Variants in DDHD1 observed in about 807,000 individuals in gnomAD.
DDHD1 encodes the protein DDHD domain containing 1.
A neutral mutation model predicts 96.4 loss-of-function variants in DDHD1; 49 were observed. That is an observed-to-expected ratio of 0.51 (90% CI 0.40 to 0.64). The LOEUF (loss-of-function observed/expected upper bound fraction) is 0.64. Ranked by LOEUF, DDHD1 falls within the 30% of genes least tolerant of loss-of-function variation. The pLI is 0.00. For missense variants in DDHD1, 1,106 were observed against 1,161.2 expected, an observed-to-expected ratio of 0.95 and a Z score of 0.69; for synonymous variants, 442 against 446.5, an observed-to-expected ratio of 0.99 and a Z score of 0.13.
At chr14:53,114,109 G>C (rs2095551) in intron 1 of DDHD1, among the ~76,000 whole-genome samples, 111,171 of 152,110 alleles carry the variant, frequency 0.73, 43,507 homozygotes, top group East Asian at 0.96. Context: ...TGGCAGGTCT[G>C]GACTGGGCGG....
intron 2 of DDHD1, among the ~76,000 whole-genome samples, chr14:53,099,551 T>C (rs1371370828): frequency 6.6e-6 from 1 of 152,248 alleles, no homozygotes; most frequent in African/African-American, 2.4e-5. Flanking sequence ...TACTCATTTT[T>C]TGGGCAGAGT....
intron 10 of DDHD1, among the ~76,000 whole-genome samples, chr14:53,055,201 GA>G (rs1882938125): frequency 6.6e-6 from 1 of 152,186 alleles, no homozygotes; most frequent in Admixed American, 6.5e-5. Flanking sequence ...CAGTACTGGA[GA>G]TCATTCAAAG....
intron 1 of DDHD1, among the ~76,000 whole-genome samples, chr14:53,141,479 T>C (rs963778470): frequency 1.3e-5 from 2 of 152,242 alleles, no homozygotes; most frequent in Non-Finnish European, 2.9e-5. Context: ...TCAGATCTCT[T>C]GTACCAAATC....
intron 1 of DDHD1, among the ~76,000 whole-genome samples, chr14:53,143,465 T>C (rs1183710613): frequency 1.3e-5 from 2 of 152,246 alleles, no homozygotes; most frequent in East Asian, 1.9e-4. Context: ...AGTTCTGCCA[T>C]GAGAGTGCAC....
chr14:53,080,880 T>A (rs1202483721), intron 4 of DDHD1, among the ~76,000 whole-genome samples: 1 of 152,098 alleles, frequency 6.6e-6, no homozygotes, highest in Non-Finnish European at 1.5e-5. Context: ...TATAGGCATG[T>A]GCTACCATGT....
At chr14:53,065,960 C>G (rs1402070490) in intron 6 of DDHD1, among the ~76,000 whole-genome samples, 2 of 152,120 alleles carry the variant, frequency 1.3e-5, no homozygotes, top group Non-Finnish European at 2.9e-5. Context: ...TAAATATACA[C>G]AGAATCAATC....
At chr14:53,092,090 A>T (rs1033601784) in intron 3 of DDHD1, 158 bp from the exon 4 acceptor site, 30 of 582,890 alleles carry the variant, frequency 5.1e-5, no homozygotes, top group Non-Finnish European at 7.4e-5. Context: ...TATATTGATC[A>T]GCTGTGATAT....
In DDHD1 at chr14:53,153,031, G is replaced by A; in HGVS notation, c.68C>T (p.Ala23Val). The change falls in exon 1 of 13, where the codon GCC (alanine) becomes GTC (valine). Residue 23 changes from alanine (A) to valine (V), a missense_variant. Coordinates refer to ENST00000673822, the MANE Select transcript of DDHD1 (RefSeq NM_001160148.2). The part of the protein sequence containing the change: ...EHNGRGGGGG[A>V]WELGSDARPA... ...CCTCGCGTCTGAGCCCAGCTCCCAG[G>A]CGCCGCCGCCGCCGCCTCGGCCGTT... 6.7e-7 allele frequency: 1 copy of A among 1,497,990 alleles called. No homozygotes were observed. Among genetic ancestry groups the A allele is most frequent in the Non-Finnish European group, 8.9e-7 (1 of 1,129,418 alleles). 92.8% of individuals were successfully genotyped at this position (1,497,990 alleles called of 1,614,324 possible).
At chr14:53,114,903 G>A (rs1888426102) in intron 1 of DDHD1, among the ~76,000 whole-genome samples, 2 of 152,210 alleles carry the variant, frequency 1.3e-5, no homozygotes, top group Admixed American at 1.3e-4. Context: ...GTAGGCTTCA[G>A]AAGGTGGGTA....
chr14:53,126,731 C>T (rs1457037070), intron 1 of DDHD1, among the ~76,000 whole-genome samples: 1 of 152,064 alleles, frequency 6.6e-6, no homozygotes, highest in African/African-American at 2.4e-5. Context: ...TTTTACTTGA[C>T]GTAGAAGTGG....
At chr14:53,106,025 T>G (rs2139734174) in intron 1 of DDHD1, among the ~76,000 whole-genome samples, 1 of 152,186 alleles carries the variant, frequency 6.6e-6, no homozygotes, top group Non-Finnish European at 1.5e-5. Flanking sequence ...ATCGACTTTT[T>G]GCCTACTTTA....
chr14:53,097,269 A>G (rs1461579092), intron 2 of DDHD1, among the ~76,000 whole-genome samples: 1 of 152,052 alleles, frequency 6.6e-6, no homozygotes, highest in Admixed American at 6.5e-5. Context: ...TCTGTTGAAT[A>G]TGCAGATGTA....
intron 1 of DDHD1, among the ~76,000 whole-genome samples, chr14:53,132,563 T>C (rs147148210): frequency 1.3e-3 from 195 of 152,266 alleles, no homozygotes; most frequent in African/African-American, 4.6e-3. Context: ...CTGTCTTAAC[T>C]CAGGCCCTCA....
At chr14:53,122,811 C>T (rs1336923427) in intron 1 of DDHD1, among the ~76,000 whole-genome samples, 1 of 151,948 alleles carries the variant, frequency 6.6e-6, no homozygotes. Context: ...TTGTGATCTG[C>T]CCACCTCAGC....
At chr14:53,097,357 G>C (rs976932980) in intron 2 of DDHD1, among the ~76,000 whole-genome samples, 2 of 151,958 alleles carry the variant, frequency 1.3e-5, no homozygotes, top group African/African-American at 4.8e-5. Flanking sequence ...TATGTAATTA[G>C]ATGGCTACAA....
intron 1 of DDHD1, among the ~76,000 whole-genome samples, chr14:53,129,174 A>G (rs1201804128): frequency 6.6e-6 from 1 of 152,172 alleles, no homozygotes; most frequent in Non-Finnish European, 1.5e-5. Context: ...CGTGCATGAC[A>G]TTTGGTGCCG....
chr14:53,103,146 T>G, intron 2 of DDHD1: 1 of 1,251,016 alleles, frequency 8.0e-7, no homozygotes. Flanking sequence ...GTGGCAATCT[T>G]AGCTACTATA....
chr14:53,151,160 C>G (rs571727463), intron 1 of DDHD1, among the ~76,000 whole-genome samples: 2 of 152,084 alleles, frequency 1.3e-5, no homozygotes, highest in Admixed American at 6.5e-5. Flanking sequence ...ATAAAGGTGA[C>G]GGGCTCTGCC....
chr14:53,069,845 A>T (rs1884362261), intron 6 of DDHD1, among the ~76,000 whole-genome samples: 1 of 152,174 alleles, frequency 6.6e-6, no homozygotes, highest in South Asian at 2.1e-4. Context: ...ACTGCTAAAG[A>T]TTGCTGATGA....
Sources: allele counts gnomAD v4.1 joint callset (sites outside exome capture counted in the v4.1 genomes callset), GRCh38; gene constraint gnomAD v4.1.1; transcripts MANE v1.5; gene names NCBI Gene and HGNC (gene_info 2026-07-23, HGNC 2026-07-21).